The following TCERG1L variants were observed in gnomAD, a reference collection of about 807,000 sequenced individuals.
TCERG1L encodes transcription elongation regulator 1 like, also known as transcription elongation regulator 1-like protein.
Under a neutral mutation model 56.3 loss-of-function variants are expected in TCERG1L, and 37 were observed. That is an observed-to-expected ratio of 0.66 (90% confidence interval 0.51 to 0.87). The LOEUF (loss-of-function observed/expected upper bound fraction) is 0.87, where lower values mean the gene tolerates loss of function less well. Ranked by LOEUF, TCERG1L falls within the 40% of genes least tolerant of loss-of-function variation. The pLI, the probability that TCERG1L is intolerant of heterozygous loss-of-function variation, is 0.00. For missense variants in TCERG1L, 799 were observed against 774.2 expected, an observed-to-expected ratio of 1.03 and a Z score of -0.38; for synonymous variants, 324 against 326.3, an observed-to-expected ratio of 0.99 and a Z score of 0.08.
chr10:131,176,435 CAG>C (rs1478671092), intron 4 of TCERG1L, among the ~76,000 whole-genome samples: 1,365 of 51,364 alleles, frequency 0.027, 5 homozygotes, highest in African/African-American at 0.07. Context: ...CATGTACACA[CAG>C]AGATACGTGT....
chr10:131,297,863 T>A (rs990279553), intron 3 of TCERG1L, among the ~76,000 whole-genome samples: 9 of 152,168 alleles, frequency 5.9e-5, no homozygotes, highest in Non-Finnish European at 1.2e-4. Context: ...TAGTTTATAT[T>A]TTCCTATTGC....
chr10:131,157,096 A>G (rs964485131), intron 6 of TCERG1L, among the ~76,000 whole-genome samples: 4 of 152,120 alleles, frequency 2.6e-5, no homozygotes, highest in Non-Finnish European at 5.9e-5. Context: ...TCATTTTGAT[A>G]ATCCGCCCCA....
intron 11 of TCERG1L, 130 bp from the exon 12 acceptor site, chr10:131,093,448 C>CCA: frequency 5.4e-6 from 6 of 1,116,348 alleles, no homozygotes; most frequent in Non-Finnish European, 7.7e-6. Context: ...GGCAGGGCAC[C>CCA]CGGTGGGTGA....
At position 131,092,450 on chromosome 10, in the gene TCERG1L, G is replaced by GA. The variant is rs931360920; in HGVS notation, c.*711dup. ...AAAATTTTTTATACAAAGGTGATGAGAAAAAATCTCATGCAAACTCCGGGC... is the reference window on the plus strand; with the variant it reads ...AAAATTTTTTATACAAAGGTGATGAGAAAAAAATCTCATGCAAACTCCGGGC... On this transcript the variant is annotated 3_prime_UTR_variant, in exon 12 of 12. Transcript: ENST00000368642. 1 of 152,562 alleles carries GA rather than the reference G, an allele frequency of 6.6e-6. No individual in the cohort carries two copies. The highest frequency in any genetic ancestry group is 1.5e-5 in the Non-Finnish European group (1 of 68,032). 9.5% of individuals were successfully genotyped at this position (152,562 alleles called of 1,614,324 possible).
intron 10 of TCERG1L, among the ~76,000 whole-genome samples, chr10:131,100,997 T>C (rs550414944): frequency 7.0e-4 from 106 of 152,350 alleles, no homozygotes; most frequent in African/African-American, 2.5e-3. Context: ...TGGGACCAAG[T>C]TGCAGGACGT....
intron 3 of TCERG1L, among the ~76,000 whole-genome samples, chr10:131,286,025 T>C (rs1846536589): frequency 6.6e-6 from 1 of 152,194 alleles, no homozygotes; most frequent in African/African-American, 2.4e-5. Flanking sequence ...AAGTTCTAGA[T>C]AATCAATATA....
chr10:131,288,869 C>G (rs929631882), intron 3 of TCERG1L, among the ~76,000 whole-genome samples: 1 of 152,142 alleles, frequency 6.6e-6, no homozygotes, highest in African/African-American at 2.4e-5. Flanking sequence ...TCCCTCAGCG[C>G]CTCGAGCGGG....
At chr10:131,117,022 ACT>A (rs1188450987) in intron 8 of TCERG1L, 88 bp from the exon 9 acceptor site, 1 of 1,459,000 alleles carries the variant, frequency 6.9e-7, no homozygotes, top group Non-Finnish European at 9.1e-7. Context: ...CCTCAAGGTA[ACT>A]CTTTCAGAAG....
chr10:131,226,559 G>C (rs989132802), intron 4 of TCERG1L, among the ~76,000 whole-genome samples: 1 of 152,212 alleles, frequency 6.6e-6, no homozygotes, highest in Admixed American at 6.5e-5. Flanking sequence ...TTAGCATTCA[G>C]CAGAAGCAAG....
Position 131,103,519 on chromosome 10 carries a change from C to T in TCERG1L, c.1485+746G>A, listed in dbSNP as rs1023798445. On this transcript the variant is annotated intron_variant, in intron 10 of 11. Transcript: ENST00000368642. The surrounding 1 kb of genome is among the most constrained non-coding windows in gnomAD (Gnocchi z 4.3). ...GAGCCTGGGGAATATACAGCAACCA[C>T]ATCTCTACAAAAAGTACAAAAATTA... 1.3e-5 allele frequency among the ~76,000 whole-genome samples: 2 copies of T among 152,104 alleles called. No individual in the cohort carries two copies. Among genetic ancestry groups the T allele is most frequent in the African/African-American group, 4.8e-5 (2 of 41,426 alleles).
At chr10:131,243,347 C>T (rs753681271) in intron 4 of TCERG1L, among the ~76,000 whole-genome samples, 2 of 152,020 alleles carry the variant, frequency 1.3e-5, no homozygotes, top group Non-Finnish European at 2.9e-5. Context: ...TCTGGGAGGC[C>T]GAGATGGGTG....
intron 9 of TCERG1L, among the ~76,000 whole-genome samples, chr10:131,109,081 G>A (rs1437499343): frequency 6.6e-6 from 1 of 152,074 alleles, no homozygotes; most frequent in African/African-American, 2.4e-5. Context: ...GGTGGGGGGG[G>A]TGGAGGGTGG....
At chr10:131,219,361 C>T (rs895595754) in intron 4 of TCERG1L, among the ~76,000 whole-genome samples, 3 of 152,216 alleles carry the variant, frequency 2.0e-5, no homozygotes, top group Non-Finnish European at 4.4e-5. Flanking sequence ...GAGGGGCTGA[C>T]CCCTGGCTGG....
At chr10:131,240,539 A>ATGAG (rs5789076) in intron 4 of TCERG1L, among the ~76,000 whole-genome samples, 4 of 151,394 alleles carry the variant, frequency 2.6e-5, no homozygotes. Context: ...GAACTAATGA[A>ATGAG]TGAGTGAGTG....
intron 7 of TCERG1L, among the ~76,000 whole-genome samples, chr10:131,146,164 C>G (rs1589727845): frequency 6.6e-6 from 1 of 152,214 alleles, no homozygotes; most frequent in Non-Finnish European, 1.5e-5. Flanking sequence ...TACATCTGGT[C>G]TCTGAAGTGG....
At chr10:131,292,415 G>A (rs1320711639) in intron 3 of TCERG1L, among the ~76,000 whole-genome samples, 1 of 152,180 alleles carries the variant, frequency 6.6e-6, no homozygotes, top group Non-Finnish European at 1.5e-5. Flanking sequence ...GATTCTTACA[G>A]ATGTTACTGT....
At chr10:131,237,256 A>T (rs1295937273) in intron 4 of TCERG1L, among the ~76,000 whole-genome samples, 3 of 151,750 alleles carry the variant, frequency 2.0e-5, no homozygotes, top group Non-Finnish European at 4.4e-5. Flanking sequence ...CCACATGGAG[A>T]CCCTGAGTGC....
At chr10:131,098,234 A>AC (rs1845268957) in intron 11 of TCERG1L, 72 bp downstream of exon 11, 1 of 1,482,586 alleles carries the variant, frequency 6.7e-7, no homozygotes, top group Non-Finnish European at 9.1e-7. Flanking sequence ...ACAAAAACAA[A>AC]CCTGAAGAGT....
At chr10:131,100,029 A>G (rs1204849440) in intron 10 of TCERG1L, among the ~76,000 whole-genome samples, 1 of 151,960 alleles carries the variant, frequency 6.6e-6, no homozygotes, top group Non-Finnish European at 1.5e-5. Flanking sequence ...ACGCCCAGCT[A>G]ATTTTTTTTG....
Sources: allele counts gnomAD v4.1 joint callset (sites outside exome capture counted in the v4.1 genomes callset), GRCh38; gene constraint gnomAD v4.1.1; non-coding constraint Gnocchi (gnomAD v3.1); transcripts MANE v1.5; gene names NCBI Gene and HGNC (gene_info 2026-07-23, HGNC 2026-07-21).